The following MEGF6 variants were observed in gnomAD, a reference collection of about 807,000 sequenced individuals.
MEGF6 encodes the protein multiple epidermal growth factor-like domains protein 6.
A neutral mutation model predicts 207.1 loss-of-function variants in MEGF6; 184 were observed. The ratio of observed to expected loss-of-function variants is 0.89; its 90% CI spans 0.79 to 1.00. MEGF6 has a LOEUF of 1.00. MEGF6 is among the 50% of genes least tolerant of loss of function. The pLI, the probability that MEGF6 is intolerant of heterozygous loss-of-function variation, is 0.00. For synonymous variants in MEGF6, 1,038 were observed against 910.0 expected (o/e 1.14, Z -2.53); for missense variants, 2,282 against 2,202.9 (o/e 1.04, Z -0.72).
intron 4 of MEGF6, among the ~76,000 whole-genome samples, chr1:3,535,082 T>C (rs551042439): frequency 6.6e-6 from 1 of 152,228 alleles, no homozygotes; most frequent in South Asian, 2.1e-4. Flanking sequence ...CTCAGTTTCC[T>C]CATCTGTGCA....
intron 4 of MEGF6, among the ~76,000 whole-genome samples, chr1:3,541,733 G>C (rs1642528279): frequency 2.0e-5 from 3 of 150,680 alleles, no homozygotes; most frequent in Non-Finnish European, 4.4e-5. Flanking sequence ...GCAAGGGTGT[G>C]AAAGGCCGAG....
Position 3,594,502 on chromosome 1 carries a change from A to G in MEGF6, c.376+836T>C, listed in dbSNP as rs1334195570. Among the ~76,000 whole-genome samples, 1 of 152,218 alleles carries G rather than the reference A, an allele frequency of 6.6e-6. No individual in the cohort carries two copies. The highest frequency in any genetic ancestry group is 2.4e-5 in the African/African-American group (1 of 41,450). ...GACTCCCGGCCACACTCCACGGCGCAGCCTGTCCCTCACTGGCAGGATGCC... is the reference window on the plus strand; with the variant it reads ...GACTCCCGGCCACACTCCACGGCGCGGCCTGTCCCTCACTGGCAGGATGCC... On this transcript the variant is annotated intron_variant, in intron 3 of 36. Coordinates refer to ENST00000356575, the MANE Select transcript of MEGF6 (RefSeq NM_001409.4). This position sits in a 1 kb window ranked among gnomAD's most constrained non-coding sequence, Gnocchi z 4.2.
intron 4 of MEGF6, among the ~76,000 whole-genome samples, chr1:3,549,177 C>A (rs922647796): frequency 1.3e-5 from 2 of 152,208 alleles, no homozygotes; most frequent in East Asian, 1.9e-4. Flanking sequence ...AGTCTCGGGG[C>A]CCCCGTGCTC....
At chr1:3,555,472 C>T (rs904707326) in intron 4 of MEGF6, among the ~76,000 whole-genome samples, 6 of 152,234 alleles carry the variant, frequency 3.9e-5, no homozygotes, top group African/African-American at 9.6e-5. Context: ...CGGGGCAAGG[C>T]GACTCCTGTA....
chr1:3,535,187 C>T (rs567135705), intron 4 of MEGF6, among the ~76,000 whole-genome samples: 2 of 152,276 alleles, frequency 1.3e-5, no homozygotes, highest in East Asian at 1.9e-4. Flanking sequence ...GTCACCGCGA[C>T]GGTGCCCGTG....
At chr1:3,516,448 C>A (rs184624498) in intron 5 of MEGF6, among the ~76,000 whole-genome samples, 27 of 152,224 alleles carry the variant, frequency 1.8e-4, no homozygotes, top group African/African-American at 2.9e-4. Context: ...AGGCCGTCTG[C>A]CCAGGCCTGT....
At chr1:3,579,233 C>A (rs902935715) in intron 4 of MEGF6, among the ~76,000 whole-genome samples, 1 of 152,374 alleles carries the variant, frequency 6.6e-6, no homozygotes, top group East Asian at 1.9e-4. Context: ...GGCTCTGCCG[C>A]TTTTCCCCGC....
chr1:3,546,291 G>A lies in MEGF6; in HGVS notation c.482-22045C>T, dbSNP rs533244781. Among the ~76,000 whole-genome samples, 22 of 152,354 alleles carry A rather than the reference G, an allele frequency of 1.4e-4. No homozygotes were observed. In the South Asian group the frequency reaches 4.6e-3, roughly 32 times the overall value. On this transcript the variant is annotated intron_variant, in intron 4 of 36. Coordinates refer to ENST00000356575, the MANE Select transcript of MEGF6 (RefSeq NM_001409.4). ...CTGCCAGCCTGCCAGCCATGGTGGG[G>A]CTGAGCTACAGGGTCTGCTTAGAGC...
In MEGF6 at chr1:3,517,739, G is replaced by A. The variant is rs541393823; in HGVS notation, c.605-2212C>T. Among the ~76,000 whole-genome samples, 9 of 152,324 alleles carry A rather than the reference G, an allele frequency of 5.9e-5. No homozygotes were observed. In the East Asian group the frequency reaches 1.7e-3, roughly 29 times the overall value. ...GCAAAGTGGACCAAGCTCAGACCCG[G>A]CAAAGCTGAGTGTGCCCATCAGACG... On this transcript the variant is annotated intron_variant, in intron 5 of 36. Coordinates refer to ENST00000356575, the MANE Select transcript of MEGF6 (RefSeq NM_001409.4).
At chr1:3,491,587 TG>T (rs1159924951) in intron 35 of MEGF6, among the ~76,000 whole-genome samples, 4 of 152,116 alleles carry the variant, frequency 2.6e-5, no homozygotes, top group Admixed American at 2.0e-4. Context: ...CAAGACTATT[TG>T]GGGGCCTCCA....
intron 4 of MEGF6, among the ~76,000 whole-genome samples, chr1:3,563,271 T>C (rs1002357406): frequency 6.6e-6 from 1 of 152,028 alleles, no homozygotes; most frequent in Non-Finnish European, 1.5e-5. Flanking sequence ...CACTCACATA[T>C]GGCCACGACG....
chr1:3,515,600 G>A, intron 5 of MEGF6, 73 bp from the exon 6 acceptor site: 1 of 1,559,842 alleles, frequency 6.4e-7, no homozygotes, highest in Admixed American at 1.7e-5. Flanking sequence ...GGCTGGCATG[G>A]AGCAGGGAGT....
intron 4 of MEGF6, among the ~76,000 whole-genome samples, chr1:3,540,830 C>A: frequency 6.6e-6 from 1 of 152,250 alleles, no homozygotes. Flanking sequence ...CACCTCTTCA[C>A]ACCATCACAC....
Position 3,494,368 on chromosome 1 carries a change from C to G in MEGF6, c.4129+3G>C. 6.5e-7 allele frequency: 1 copy of G among 1,540,522 alleles called. No individual in the cohort carries two copies. The highest frequency in any genetic ancestry group is 1.2e-5 in the South Asian group (1 of 84,038). ...AGCCCAGCTGCACAGGCCCCCAACT[C>G]ACGGTGCTCGCAGGCCTGGCCATAG... On this transcript the variant is annotated splice_donor_region_variant and intron_variant, in intron 32 of 36. Coordinates refer to ENST00000356575, the MANE Select transcript of MEGF6 (RefSeq NM_001409.4).
At chr1:3,599,944 CG>C (rs1474319329) in intron 2 of MEGF6, among the ~76,000 whole-genome samples, 1 of 152,142 alleles carries the variant, frequency 6.6e-6, no homozygotes, top group Non-Finnish European at 1.5e-5. Context: ...GCTCAGTTCA[CG>C]GGTGAGAAAA....
chr1:3,541,514 C>T (rs1642518059), intron 4 of MEGF6, among the ~76,000 whole-genome samples: 1 of 152,226 alleles, frequency 6.6e-6, no homozygotes, highest in African/African-American at 2.4e-5. Flanking sequence ...CATGCGGGCA[C>T]CTGGCCTGGG....
upstream of MEGF6, among the ~76,000 whole-genome samples, chr1:3,614,846 C>T (rs748761413): frequency 6.6e-6 from 1 of 152,260 alleles, no homozygotes; most frequent in Non-Finnish European, 1.5e-5. Context: ...AGCCCAGCTC[C>T]TTCCACTGAT....
intron 4 of MEGF6, among the ~76,000 whole-genome samples, chr1:3,566,662 C>A (rs1207956750): frequency 6.6e-6 from 1 of 152,210 alleles, no homozygotes; most frequent in Non-Finnish European, 1.5e-5. Flanking sequence ...CGCTATGAGC[C>A]CCCCGGCGCC....
chr1:3,533,640 G>A (rs1642241472), intron 4 of MEGF6, among the ~76,000 whole-genome samples: 1 of 152,336 alleles, frequency 6.6e-6, no homozygotes, highest in South Asian at 2.1e-4. Context: ...TGCGGAGGCA[G>A]CATCCATCCT....
Sources: allele counts gnomAD v4.1 joint callset (sites outside exome capture counted in the v4.1 genomes callset), GRCh38; gene constraint gnomAD v4.1.1; non-coding constraint Gnocchi (gnomAD v3.1); transcripts MANE v1.5; gene names NCBI Gene and HGNC (gene_info 2026-07-23, HGNC 2026-07-21).